The following ZNF385D variants were observed in gnomAD, a reference collection of about 807,000 sequenced individuals.
ZNF385D encodes the protein zinc finger protein 659.
A neutral mutation model predicts 35.8 loss-of-function variants in ZNF385D; 15 were observed. That is an observed-to-expected ratio of 0.42 (90% confidence interval 0.28 to 0.64). The LOEUF (loss-of-function observed/expected upper bound fraction) is 0.64. Among genes scored for constraint, ZNF385D ranks in the 30% least tolerant of loss-of-function variants. ZNF385D has a pLI of 0.23. For missense variants in ZNF385D, 474 were observed against 494.6 expected (o/e 0.96, Z 0.39); for synonymous variants, 212 against 186.8 (o/e 1.13, Z -1.10).
intron 3 of ZNF385D, among the ~76,000 whole-genome samples, chr3:21,901,877 G>C (rs1280787816): frequency 6.6e-6 from 1 of 152,170 alleles, no homozygotes; most frequent in Non-Finnish European, 1.5e-5. Context: ...TCAGCAAAGG[G>C]AAGGAAGACA....
At chr3:22,338,451 T>C (rs903064342) in intron 2 of ZNF385D, among the ~76,000 whole-genome samples, 9 of 151,642 alleles carry the variant, frequency 5.9e-5, no homozygotes, top group African/African-American at 1.5e-4. Flanking sequence ...TGCCCTTTTT[T>C]TGGAAAAAGA....
At chr3:21,602,517 C>CT (rs746138066) in intron 2 of ZNF385D, among the ~76,000 whole-genome samples, 1,358 of 62,662 alleles carry the variant, frequency 0.022, 243 homozygotes, top group African/African-American at 0.036. Context: ...CCTGCATTTT[C>CT]TTTTTTTTTT....
chr3:22,357,974 T>C (rs1696233206), intron 2 of ZNF385D, among the ~76,000 whole-genome samples: 1 of 151,888 alleles, frequency 6.6e-6, no homozygotes, highest in African/African-American at 2.4e-5. Flanking sequence ...TTTTAAATGG[T>C]CTATTTTTCT....
At chr3:22,175,503 C>T (rs1160564422) in intron 2 of ZNF385D, among the ~76,000 whole-genome samples, 1 of 151,898 alleles carries the variant, frequency 6.6e-6, no homozygotes, top group African/African-American at 2.4e-5. Flanking sequence ...TCTAGCCACA[C>T]ATTGCCATTC....
At chr3:22,056,412 A>G (rs1219633856) in intron 3 of ZNF385D, among the ~76,000 whole-genome samples, 1 of 152,110 alleles carries the variant, frequency 6.6e-6, no homozygotes, top group Non-Finnish European at 1.5e-5. Context: ...CAAAGATGAT[A>G]AGCTAAAATT....
chr3:21,792,834 T>C (rs2071986469), intron 3 of ZNF385D, among the ~76,000 whole-genome samples: 1 of 152,200 alleles, frequency 6.6e-6, no homozygotes, highest in Non-Finnish European at 1.5e-5. Flanking sequence ...CAAATGATTG[T>C]TTTGATTTTT....
chr3:21,599,275 G>GA (rs1559446941), intron 2 of ZNF385D, among the ~76,000 whole-genome samples: 1 of 152,108 alleles, frequency 6.6e-6, no homozygotes. Context: ...TCTTTTGAGG[G>GA]ATAAATCAAA....
intron 3 of ZNF385D, among the ~76,000 whole-genome samples, chr3:21,859,906 TC>T (rs1197895799): frequency 1.3e-5 from 2 of 151,820 alleles, no homozygotes; most frequent in Non-Finnish European, 2.9e-5. Flanking sequence ...TGCCGTAACT[TC>T]CCCGGGACAG....
intron 1 of ZNF385D, among the ~76,000 whole-genome samples, chr3:21,686,953 A>G (rs761489798): frequency 1.9e-4 from 29 of 152,072 alleles, no homozygotes; most frequent in South Asian, 8.3e-4. Flanking sequence ...TTCCCATCCT[A>G]TGAGTTATCA....
intron 2 of ZNF385D, among the ~76,000 whole-genome samples, chr3:21,636,739 C>A (rs935850278): frequency 6.6e-6 from 1 of 151,890 alleles, no homozygotes; most frequent in African/African-American, 2.4e-5. Context: ...CCCTCGCAGA[C>A]ACACCCAGGA....
At chr3:21,727,617 T>C (rs2068822921) in intron 1 of ZNF385D, among the ~76,000 whole-genome samples, 2 of 152,178 alleles carry the variant, frequency 1.3e-5, no homozygotes, top group Non-Finnish European at 2.9e-5. Context: ...CGCAATGAGA[T>C]ACCATCTCAC....
intron 2 of ZNF385D, among the ~76,000 whole-genome samples, chr3:22,317,152 C>G (rs1053668103): frequency 3.3e-5 from 5 of 151,324 alleles, no homozygotes; most frequent in Non-Finnish European, 7.4e-5. Flanking sequence ...TGGCATGCAC[C>G]TGTAATTCCA....
At chr3:22,010,590 G>C (rs1696510443) in intron 3 of ZNF385D, among the ~76,000 whole-genome samples, 1 of 152,112 alleles carries the variant, frequency 6.6e-6, no homozygotes, top group Admixed American at 6.6e-5. Flanking sequence ...TTAAAGCCTA[G>C]AAATCCAGTC....
At chr3:21,709,078 C>T (rs755566328) in intron 1 of ZNF385D, among the ~76,000 whole-genome samples, 19 of 152,138 alleles carry the variant, frequency 1.2e-4, no homozygotes, top group Non-Finnish European at 2.2e-4. Flanking sequence ...TCAATACTTC[C>T]TCTCATATTT....
chr3:21,780,055 G>C (rs1046912964), intron 3 of ZNF385D, among the ~76,000 whole-genome samples: 1 of 151,850 alleles, frequency 6.6e-6, no homozygotes, highest in African/African-American at 2.4e-5. Flanking sequence ...TTCAGGATTT[G>C]ACTAGCAAAT....
At chr3:21,803,312 G>A (rs201607423) in intron 3 of ZNF385D, among the ~76,000 whole-genome samples, 2 of 152,140 alleles carry the variant, frequency 1.3e-5, no homozygotes, top group African/African-American at 4.8e-5. Flanking sequence ...AATGACAAGA[G>A]TGTTCACTAT....
At chr3:22,160,572 AAG>A (rs1239530465) in intron 3 of ZNF385D, among the ~76,000 whole-genome samples, 1 of 152,116 alleles carries the variant, frequency 6.6e-6, no homozygotes, top group Non-Finnish European at 1.5e-5. Context: ...GGAAAGAAAA[AAG>A]AATAGATCAG....
chr3:22,338,921 G>A (rs113698196), intron 2 of ZNF385D, among the ~76,000 whole-genome samples: 11 of 151,804 alleles, frequency 7.2e-5, no homozygotes, highest in African/African-American at 1.7e-4. Context: ...GGCTCGTCTC[G>A]AACTCCTGAC....
chr3:22,325,040 ATAAT>A (rs1281272942), intron 2 of ZNF385D, among the ~76,000 whole-genome samples: 1 of 152,226 alleles, frequency 6.6e-6, no homozygotes, highest in Non-Finnish European at 1.5e-5. Context: ...GTTTGCTCTG[ATAAT>A]TAAATAATGA....
Sources: allele counts gnomAD v4.1 joint callset (sites outside exome capture counted in the v4.1 genomes callset), GRCh38; gene constraint gnomAD v4.1.1; transcripts MANE v1.5; gene names NCBI Gene and HGNC (gene_info 2026-07-23, HGNC 2026-07-21).